Variants in ADGRV1 observed in about 807,000 individuals in gnomAD.
ADGRV1 encodes the protein adhesion G protein-coupled receptor V1, also known as G-protein coupled receptor 98.
A neutral mutation model predicts 596.2 loss-of-function variants in ADGRV1; 359 were observed. The observed-to-expected ratio is 0.60, with a 90% confidence interval of 0.55 to 0.66. The LOEUF (loss-of-function observed/expected upper bound fraction) is 0.66. ADGRV1 is among the 30% of genes least tolerant of loss of function. The pLI, the probability that ADGRV1 is intolerant of heterozygous loss-of-function variation, is 0.00. For missense variants in ADGRV1, 7,274 were observed against 7,575.6 expected (o/e 0.96, Z 1.48); for synonymous variants, 2,681 against 2,679.2 (o/e 1.00, Z -0.02).
chr5:91,093,851 G>GTTTTT (rs376638151), intron 86 of ADGRV1, among the ~76,000 whole-genome samples: 2 of 132,294 alleles, frequency 1.5e-5, no homozygotes, highest in South Asian at 2.4e-4. Context: ...ACATACGTAA[G>GTTTTT]TTTTTTTTTT....
At chr5:90,766,601 A>G (rs925870545) in intron 59 of ADGRV1, among the ~76,000 whole-genome samples, 2 of 152,214 alleles carry the variant, frequency 1.3e-5, no homozygotes, top group Non-Finnish European at 2.9e-5. Context: ...TAACAAGCAT[A>G]TTACAGTCCA....
chr5:90,734,467 T>G (rs1752956942), intron 50 of ADGRV1, among the ~76,000 whole-genome samples: 1 of 152,162 alleles, frequency 6.6e-6, no homozygotes, highest in East Asian at 1.9e-4. Context: ...GGTGATAGCT[T>G]ATTTTGGTTT....
intron 1 of ADGRV1, among the ~76,000 whole-genome samples, chr5:90,595,264 C>T (rs1580384774): frequency 8.8e-5 from 4 of 45,306 alleles, no homozygotes; most frequent in Admixed American, 1.7e-4. Context: ...CAGAGGGGCT[C>T]CTCACTTCCC....
intron 83 of ADGRV1, among the ~76,000 whole-genome samples, chr5:90,946,374 G>A (rs1344400308): frequency 1.3e-5 from 2 of 152,034 alleles, no homozygotes; most frequent in Admixed American, 1.3e-4. Context: ...TAGAACTTTG[G>A]CAAAAGATAA....
intron 83 of ADGRV1, among the ~76,000 whole-genome samples, chr5:90,873,251 T>A (rs1768875930): frequency 6.6e-6 from 1 of 152,200 alleles, no homozygotes; most frequent in African/African-American, 2.4e-5. Context: ...GGCAGAGCCC[T>A]ATTCAGATAC....
At chr5:90,767,229 C>T (rs1561688972) in intron 59 of ADGRV1, among the ~76,000 whole-genome samples, 2 of 151,982 alleles carry the variant, frequency 1.3e-5, no homozygotes, top group African/African-American at 4.8e-5. Context: ...AACAAACAGG[C>T]CAGAGAGAAG....
At chr5:90,741,012 A>G (rs999195251) in intron 50 of ADGRV1, among the ~76,000 whole-genome samples, 2 of 152,160 alleles carry the variant, frequency 1.3e-5, no homozygotes, top group East Asian at 3.8e-4. Context: ...AATAGTTGCA[A>G]ATTGGATTTC....
Position 91,161,283 on chromosome 5 carries a change from G to A in ADGRV1, c.18803-2499G>A, listed in dbSNP as rs115426625. 4.3e-3 allele frequency among the ~76,000 whole-genome samples: 662 copies of A among 152,296 alleles called. 4 individuals carry two copies. The highest frequency in any genetic ancestry group is 0.015 in the African/African-American group (627 of 41,556). On this transcript the variant is annotated intron_variant, in intron 89 of 89. Transcript: ENST00000405460. The stretch of plus-strand genomic sequence containing the variant: ...TCTCCTGTTCCCAGCAGAGAAGCAT[G>A]GGCCATTTGTCCTTCGAAGGCCTGG...
chr5:90,961,011 C>G (rs1272698432), intron 83 of ADGRV1, among the ~76,000 whole-genome samples: 1 of 152,064 alleles, frequency 6.6e-6, no homozygotes. Context: ...TGCTCCATAC[C>G]CTGCTACAAT....
At chr5:90,638,375 TTC>T (rs923848734) in intron 11 of ADGRV1, among the ~76,000 whole-genome samples, 43 of 152,178 alleles carry the variant, frequency 2.8e-4, no homozygotes, top group Admixed American at 1.6e-3. Flanking sequence ...TGTAATAAAA[TTC>T]TCTTTTTTAC....
intron 66 of ADGRV1, among the ~76,000 whole-genome samples, chr5:90,783,577 T>C (rs1759095092): frequency 6.6e-6 from 1 of 152,210 alleles, no homozygotes; most frequent in Non-Finnish European, 1.5e-5. Flanking sequence ...CTAATCAGAA[T>C]GTGGAAACAT....
At chr5:91,100,048 G>T (rs999597881) in intron 86 of ADGRV1, among the ~76,000 whole-genome samples, 1 of 152,176 alleles carries the variant, frequency 6.6e-6, no homozygotes, top group African/African-American at 2.4e-5. Flanking sequence ...ACAACTGCTA[G>T]TAGAATGATG....
chr5:91,042,792 T>C (rs1241845266), intron 85 of ADGRV1, among the ~76,000 whole-genome samples: 1 of 152,186 alleles, frequency 6.6e-6, no homozygotes, highest in East Asian at 1.9e-4. Context: ...TTTAACAAAC[T>C]TGTGCTTGTA....
chr5:91,071,248 A>G (rs1788366453), intron 85 of ADGRV1, among the ~76,000 whole-genome samples: 1 of 152,214 alleles, frequency 6.6e-6, no homozygotes, highest in African/African-American at 2.4e-5. Flanking sequence ...AGAGAGGTCA[A>G]GAGAGGTCCC....
chr5:90,764,628 TCC>T (rs1756891427), intron 59 of ADGRV1, among the ~76,000 whole-genome samples: 2 of 152,080 alleles, frequency 1.3e-5, no homozygotes, highest in African/African-American at 2.4e-5. Flanking sequence ...GTGCTCCCCC[TCC>T]CTTATGGGCA....
intron 83 of ADGRV1, among the ~76,000 whole-genome samples, chr5:90,912,133 T>A (rs888249194): frequency 4.6e-5 from 7 of 152,124 alleles, no homozygotes; most frequent in African/African-American, 7.2e-5. Context: ...GTTTTTATTA[T>A]CAGTATGATT....
chr5:90,566,670 T>G (rs925539602), intron 1 of ADGRV1, among the ~76,000 whole-genome samples: 18 of 152,160 alleles, frequency 1.2e-4, no homozygotes, highest in Admixed American at 6.5e-4. Flanking sequence ...TTGATTCTTG[T>G]ATATTGATTT....
chr5:90,591,061 G>T (rs1283218506), intron 1 of ADGRV1, among the ~76,000 whole-genome samples: 3 of 151,962 alleles, frequency 2.0e-5, no homozygotes, highest in Non-Finnish European at 2.9e-5. Flanking sequence ...GGTAAATGGG[G>T]TATCATCACC....
At chr5:91,117,653 C>T (rs1424489685) in intron 87 of ADGRV1, among the ~76,000 whole-genome samples, 3 of 152,136 alleles carry the variant, frequency 2.0e-5, no homozygotes, top group Non-Finnish European at 4.4e-5. Context: ...TCAGTTTTGC[C>T]TTTTACTAAA....
Sources: allele counts gnomAD v4.1 joint callset (sites outside exome capture counted in the v4.1 genomes callset), GRCh38; gene constraint gnomAD v4.1.1; transcripts MANE v1.5; gene names NCBI Gene and HGNC (gene_info 2026-07-23, HGNC 2026-07-21).